SLC9A7: variants seen among roughly 807,000 people sequenced by gnomAD.
The protein encoded by SLC9A7 is solute carrier family 9 member A7.
In SLC9A7, 19 loss-of-function variants were observed where a neutral mutation model predicts 52.6. The observed-to-expected ratio is 0.36, with a 90% confidence interval of 0.25 to 0.53. SLC9A7 has a LOEUF of 0.53. Among genes scored for constraint, SLC9A7 ranks in the 20% least tolerant of loss-of-function variants. SLC9A7 has a pLI of 0.91. For synonymous variants in SLC9A7, 226 were observed against 252.1 expected (o/e 0.90, Z 0.98); for missense variants, 455 against 597.9 (o/e 0.76, Z 2.49).
chrX:46,705,460 A>T (rs1230143638), intron 1 of SLC9A7, among the ~76,000 whole-genome samples: 1 of 112,068 alleles, frequency 8.9e-6, no homozygotes, highest in East Asian at 2.8e-4. Flanking sequence ...AATTAAGAAG[A>T]TCTTGGCTGG....
intron 3 of SLC9A7, among the ~76,000 whole-genome samples, chrX:46,674,410 T>C (rs868085298): frequency 2.6e-4 from 29 of 112,499 alleles, no homozygotes; most frequent in African/African-American, 9.4e-4. Flanking sequence ...GTATTATGTC[T>C]AGTACTTAAA....
chrX:46,665,557 C>CAAAAAAAAA, intron 5 of SLC9A7, among the ~76,000 whole-genome samples: 1 of 21,772 alleles, frequency 4.6e-5, no homozygotes, highest in Non-Finnish European at 9.6e-5. Flanking sequence ...GACTCCATCT[C>CAAAAAAAAA]AAAAAAAAAA....
chrX:46,675,061 A>ATGTGTGTGTGTGTGTGTGTGTGTG (rs397895552), intron 3 of SLC9A7, among the ~76,000 whole-genome samples: 1 of 68,863 alleles, frequency 1.5e-5, no homozygotes, highest in Non-Finnish European at 3.0e-5. Context: ...GAGAGAGTGA[A>ATGTGTGTGTGTGTGTGTGTGTGTG]TGTGTGTGTG....
intron 1 of SLC9A7, among the ~76,000 whole-genome samples, chrX:46,722,836 G>A (rs1307463677): frequency 8.9e-6 from 1 of 112,003 alleles, no homozygotes; most frequent in African/African-American, 3.2e-5. Flanking sequence ...AGCAGGTAAC[G>A]TTCTGTAATT....
chrX:46,723,055 T>C, intron 1 of SLC9A7, among the ~76,000 whole-genome samples: 1 of 111,013 alleles, frequency 9.0e-6, no homozygotes, highest in South Asian at 3.8e-4. Context: ...ACCAAATCAC[T>C]GCTTTGTAGC....
intron 1 of SLC9A7, among the ~76,000 whole-genome samples, chrX:46,695,867 C>A (rs1944441614): frequency 9.0e-6 from 1 of 110,925 alleles, no homozygotes; most frequent in African/African-American, 3.3e-5. Flanking sequence ...TTAAGAGTAC[C>A]CACAATGAAA....
intron 1 of SLC9A7, among the ~76,000 whole-genome samples, chrX:46,731,424 T>TA (rs1286002599): frequency 4.5e-5 from 2 of 44,634 alleles, no homozygotes; most frequent in East Asian, 6.8e-4. Context: ...ATACTCCATA[T>TA]AAAAAATTAA....
intron 1 of SLC9A7, among the ~76,000 whole-genome samples, chrX:46,722,391 G>T (rs1465714864): frequency 8.9e-6 from 1 of 111,903 alleles, no homozygotes; most frequent in African/African-American, 3.2e-5. Flanking sequence ...GACAATGTTT[G>T]TTAATCTAGC....
intron 5 of SLC9A7, 22 bp from the exon 6 acceptor site, chrX:46,662,665 C>A (rs1943844519): frequency 8.8e-7 from 1 of 1,141,015 alleles, no homozygotes; most frequent in Non-Finnish European, 1.2e-6. Context: ...GCCGAAAGCA[C>A]AGAAATTAGT....
Position 46,606,758 on chromosome X carries a change from T to C in SLC9A7, c.*194A>G. On this transcript the variant is annotated 3_prime_UTR_variant, in exon 17 of 17. Transcript: ENST00000616978. The stretch of plus-strand genomic sequence containing the variant: ...AAGTGGGAATAGGTCTACGTTTGTC[T>C]GAATTTAGAGACACTTTTGCCTCAC... 3.7e-6 allele frequency: 4 copies of C among 1,090,508 alleles called. No individual in the cohort carries two copies. The highest frequency in any genetic ancestry group is 4.8e-6 in the Non-Finnish European group (4 of 838,489). The allele number at this position is 1,090,508 out of a possible 1,213,427, so 89.9% of individuals were successfully genotyped here.
At chrX:46,668,038 G>A (rs930403795) in intron 5 of SLC9A7, among the ~76,000 whole-genome samples, 1 of 111,681 alleles carries the variant, frequency 9.0e-6, no homozygotes, top group Non-Finnish European at 1.9e-5. Flanking sequence ...CGCACAAAAG[G>A]AGTTTACAAA....
In SLC9A7 at chrX:46,631,759, A is replaced by G. The variant is rs773872363; in HGVS notation, c.1677-110T>C. ...TGGAGGCTAATCATCTTCCCGAAGC[A>G]TAAGGAGTGGTTAGCTAAAAGGTGA... On this transcript the variant is annotated intron_variant, in intron 13 of 16. Coordinates refer to ENST00000616978, the MANE Select transcript of SLC9A7 (RefSeq NM_001257291.2). 1.2e-5 allele frequency: 7 copies of G among 571,957 alleles called. No individual in the cohort carries two copies. The South Asian group carries it at 1.9e-4, about 16-fold the overall frequency. 47.1% of individuals were successfully genotyped at this position (571,957 alleles called of 1,213,427 possible).
intron 1 of SLC9A7, among the ~76,000 whole-genome samples, chrX:46,740,524 G>A (rs982480595): frequency 9.0e-6 from 1 of 111,291 alleles, no homozygotes; most frequent in African/African-American, 3.3e-5. Flanking sequence ...TTATTTGCAG[G>A]ATACAAAATC....
intron 1 of SLC9A7, among the ~76,000 whole-genome samples, chrX:46,693,485 GGAC>G (rs1377401444): frequency 9.0e-6 from 1 of 111,030 alleles, no homozygotes; most frequent in African/African-American, 3.3e-5. Context: ...ATTGAGGAAA[GGAC>G]AATCTTTTCA....
rs183387268 is a variant in SLC9A7 at position 46,728,067 on chromosome X, G to C, written c.325+30638C>G. 1.9e-4 allele frequency among the ~76,000 whole-genome samples: 21 copies of C among 111,524 alleles called. No individual in the cohort carries two copies. The East Asian group carries it at 5.6e-3, about 30-fold the overall frequency. ...AGTACCAATTAATGACTGTGAGAGCGGTTAATTTGATATACAAAATAGTTA... is the reference window on the plus strand; with the variant it reads ...AGTACCAATTAATGACTGTGAGAGCCGTTAATTTGATATACAAAATAGTTA... On this transcript the variant is annotated intron_variant, in intron 1 of 16. Coordinates refer to ENST00000616978, the MANE Select transcript of SLC9A7 (RefSeq NM_001257291.2).
intron 15 of SLC9A7, among the ~76,000 whole-genome samples, chrX:46,615,518 CAGG>C (rs1386815656): frequency 9.1e-6 from 1 of 110,306 alleles, no homozygotes; most frequent in African/African-American, 3.3e-5. Flanking sequence ...GACAAATACG[CAGG>C]AGGCCAGGGG....
chrX:46,617,769 T>C (rs1261311042), intron 15 of SLC9A7, among the ~76,000 whole-genome samples: 6 of 111,867 alleles, frequency 5.4e-5, no homozygotes. Context: ...CTCCTGTTCC[T>C]CTTCAGAGGA....
chrX:46,736,165 G>A (rs1181291589), intron 1 of SLC9A7, among the ~76,000 whole-genome samples: 1 of 111,437 alleles, frequency 9.0e-6, no homozygotes, highest in East Asian at 2.8e-4. Flanking sequence ...TCTTCTCTTG[G>A]ATATTCTGTT....
chrX:46,615,119 T>C (rs1284424705), intron 15 of SLC9A7, among the ~76,000 whole-genome samples: 1 of 112,152 alleles, frequency 8.9e-6, no homozygotes, highest in Non-Finnish European at 1.9e-5. Flanking sequence ...GTTGGCTCAC[T>C]GCAACCTCCG....
Sources: allele counts gnomAD v4.1 joint callset (sites outside exome capture counted in the v4.1 genomes callset), GRCh38; gene constraint gnomAD v4.1.1; transcripts MANE v1.5; gene names NCBI Gene and HGNC (gene_info 2026-07-23, HGNC 2026-07-21).